WDR64: variants seen among roughly 807,000 people sequenced by gnomAD.
WDR64 encodes WD repeat-containing protein 64.
In WDR64, 112 loss-of-function variants were observed where a neutral mutation model predicts 139.3. That is an observed-to-expected ratio of 0.80 (90% confidence interval 0.69 to 0.94). The LOEUF is 0.94. Ranked by LOEUF, WDR64 falls within the 40% of genes least tolerant of loss-of-function variation. The pLI is 0.00. For missense variants in WDR64, 1,206 were observed against 1,293.1 expected (o/e 0.93, Z 1.03); for synonymous variants, 444 against 437.7 (o/e 1.01, Z -0.18).
intron 1 of WDR64, among the ~76,000 whole-genome samples, chr1:241,655,710 T>TC (rs60959580): frequency 1.0e-4 from 15 of 143,262 alleles, no homozygotes; most frequent in Non-Finnish European, 1.5e-4. Context: ...CTTTTCTTTT[T>TC]TTTTTTTTGA....
chr1:241,735,533 C>CTCCCTTTTTTTTTTTTTT (rs1553373537), intron 10 of WDR64, among the ~76,000 whole-genome samples: 2 of 103,492 alleles, frequency 1.9e-5, no homozygotes, highest in African/African-American at 7.6e-5. Flanking sequence ...CTCTCTCTCT[C>CTCCCTTTTTTTTTTTTTT]TTTTTTTTTT....
chr1:241,792,416 G>C (rs2148330109), intron 25 of WDR64, among the ~76,000 whole-genome samples: 1 of 152,166 alleles, frequency 6.6e-6, no homozygotes, highest in Non-Finnish European at 1.5e-5. Context: ...TGCACCTGTA[G>C]TCCCAGCTAC....
At chr1:241,799,331 C>A (rs528125656) in intron 27 of WDR64, among the ~76,000 whole-genome samples, 7 of 148,222 alleles carry the variant, frequency 4.7e-5, no homozygotes, top group African/African-American at 1.7e-4. Context: ...GAGCCAAGAT[C>A]GTGCCAAAGC....
At chr1:241,740,158 A>G (rs1357694573) in intron 11 of WDR64, among the ~76,000 whole-genome samples, 3 of 152,236 alleles carry the variant, frequency 2.0e-5, no homozygotes, top group Admixed American at 1.3e-4. Context: ...ACTGAGATTC[A>G]ATATCAGAGC....
At chr1:241,678,272 T>C (rs953973491) in intron 5 of WDR64, 56 bp downstream of exon 5, 1 of 398,726 alleles carries the variant, frequency 2.5e-6, no homozygotes, top group African/African-American at 2.1e-5. Flanking sequence ...TGATGATGTT[T>C]CCTTCACAAT....
At chr1:241,798,813 T>A (rs1011413565) in intron 27 of WDR64, among the ~76,000 whole-genome samples, 1 of 152,210 alleles carries the variant, frequency 6.6e-6, no homozygotes, top group African/African-American at 2.4e-5. Context: ...TAATTCTGAA[T>A]ATGAACTTCT....
intron 5 of WDR64, among the ~76,000 whole-genome samples, chr1:241,679,151 A>T (rs1666675669): frequency 1.3e-5 from 2 of 152,122 alleles, no homozygotes; most frequent in African/African-American, 4.8e-5. Flanking sequence ...CAGTGCCCTA[A>T]ATCTAGTCTC....
intron 15 of WDR64, among the ~76,000 whole-genome samples, chr1:241,758,243 T>G (rs186738125): frequency 2.0e-4 from 30 of 152,190 alleles, no homozygotes; most frequent in African/African-American, 7.0e-4. Flanking sequence ...TTGATTTTTT[T>G]TTTTCTTTAG....
intron 15 of WDR64, among the ~76,000 whole-genome samples, chr1:241,760,403 G>A (rs1670380720): frequency 6.7e-6 from 1 of 149,738 alleles, no homozygotes; most frequent in African/African-American, 2.5e-5. Context: ...CTGATAACCG[G>A]AAGCCTCATC....
chr1:241,757,294 T>C lies in WDR64; in HGVS notation c.1782T>C (p.Asp594=), dbSNP rs1574073317. 6.2e-7 allele frequency: 1 copy of C among 1,609,684 alleles called. No homozygotes were observed. Among genetic ancestry groups the C allele is most frequent in the Non-Finnish European group, 8.5e-7 (1 of 1,176,672 alleles). ...GTIKMIQGKE[D]DIYLMVIWEL... is the part of the protein sequence containing the mutation. Reference sequence around the variant, plus strand: ...GATTTCTGTTAAAGGGTAAGGAAGATGATATCTACCTCATGGTGATCTGGG... The same window carrying C: ...GATTTCTGTTAAAGGGTAAGGAAGACGATATCTACCTCATGGTGATCTGGG... The change falls in exon 15 of 28, where the codon GAT becomes GAC. Residue 594 remains aspartate, a synonymous_variant. Coordinates refer to ENST00000437684, the MANE Select transcript of WDR64 (RefSeq NM_001367482.1).
At chr1:241,785,826 G>A (rs551495298) in intron 23 of WDR64, among the ~76,000 whole-genome samples, 1 of 152,324 alleles carries the variant, frequency 6.6e-6, no homozygotes, top group South Asian at 2.1e-4. Context: ...ACTCTGGGAT[G>A]CAGGACAGGT....
chr1:241,794,504 G>GTTTTT lies in WDR64; in HGVS notation c.2998-685_2998-681dup, dbSNP rs11419039. ...TGCCCCACATATTTTAAGCTTTACT[G>GTTTTT]TTTTTTTTTTTTTTTTTTTTTTGAG... On this transcript the variant is annotated intron_variant, in intron 25 of 27. Transcript: ENST00000437684. 5.9e-3 allele frequency among the ~76,000 whole-genome samples: 478 copies of GTTTTT among 81,398 alleles called. 20 individuals are homozygous for GTTTTT. The highest frequency in any genetic ancestry group is 0.017 in the East Asian group (43 of 2,568). 53.4% of individuals were successfully genotyped at this position (81,398 alleles called of 152,430 possible).
At chr1:241,698,207 T>C (rs978351498) in intron 8 of WDR64, among the ~76,000 whole-genome samples, 1 of 152,192 alleles carries the variant, frequency 6.6e-6, no homozygotes, top group Admixed American at 6.6e-5. Context: ...TTTTGTATTT[T>C]GCTTGGTGGC....
rs142269497 is a variant in WDR64, at chr1:241,796,362, C to T, written c.3184C>T (p.Arg1062Cys). ...AAAGAAGAAGGGAGGTCATGTTCAA[C>T]GTGAAAAAGTAAGTTAGTACTAATT... ...TGKKKGGHVQ[R>C]EKAPRRRSLK... Residue 1062 changes from arginine to cysteine, a missense_variant, in exon 27 of 28, where the codon CGT becomes TGT. Transcript: ENST00000437684. 26 of 1,609,626 alleles carry T rather than the reference C, an allele frequency of 1.6e-5. No homozygotes were observed. The highest frequency in any genetic ancestry group is 1.1e-4 in the African/African-American group (8 of 74,698).
intron 11 of WDR64, among the ~76,000 whole-genome samples, chr1:241,739,822 C>A (rs1669465165): frequency 6.6e-6 from 1 of 152,184 alleles, no homozygotes; most frequent in South Asian, 2.1e-4. Flanking sequence ...CTTACTGCAA[C>A]CATGAACTTG....
intron 21 of WDR64, among the ~76,000 whole-genome samples, chr1:241,779,560 C>T (rs897989181): frequency 2.6e-5 from 4 of 152,006 alleles, no homozygotes; most frequent in African/African-American, 9.7e-5. Context: ...GTGTGGAGGC[C>T]CATGCCTGTA....
chr1:241,773,718 G>A (rs1658547949), intron 20 of WDR64, among the ~76,000 whole-genome samples: 1 of 152,022 alleles, frequency 6.6e-6, no homozygotes, highest in Non-Finnish European at 1.5e-5. Context: ...CGCCAGCCTC[G>A]GCCTCCCAAA....
chr1:241,766,489 C>A, intron 16 of WDR64, 138 bp downstream of exon 16: 1 of 952,678 alleles, frequency 1.0e-6, no homozygotes, highest in Non-Finnish European at 1.5e-6. Flanking sequence ...TCACTTAAGG[C>A]CAGGAGTTCG....
intron 14 of WDR64, among the ~76,000 whole-genome samples, chr1:241,756,725 T>C (rs1290946598): frequency 6.6e-6 from 1 of 152,174 alleles, no homozygotes; most frequent in African/African-American, 2.4e-5. Context: ...AAGATATGCA[T>C]ATCTTATAGT....
Sources: allele counts gnomAD v4.1 joint callset (sites outside exome capture counted in the v4.1 genomes callset), GRCh38; gene constraint gnomAD v4.1.1; transcripts MANE v1.5; gene names NCBI Gene and HGNC (gene_info 2026-07-23, HGNC 2026-07-21).